The following SGCD variants were observed in gnomAD, a reference collection of about 807,000 sequenced individuals.
SGCD encodes the protein sarcoglycan delta.
In SGCD, 18 loss-of-function variants were observed where a neutral mutation model predicts 36.6. That is an observed-to-expected ratio of 0.49 (90% CI 0.34 to 0.73). SGCD has a LOEUF of 0.73. Among genes scored for constraint, SGCD ranks in the 30% least tolerant of loss-of-function variants. The pLI is 0.01. For missense variants in SGCD, 387 were observed against 346.7 expected, an observed-to-expected ratio of 1.12 and a Z score of -0.92; for synonymous variants, 133 against 130.6, an observed-to-expected ratio of 1.02 and a Z score of -0.12.
At chr5:155,977,792 C>T (rs1268220352) in intron 1 of SGCD, among the ~76,000 whole-genome samples, 1 of 152,086 alleles carries the variant, frequency 6.6e-6, no homozygotes, top group African/African-American at 2.4e-5. Context: ...AGTGGGTAGC[C>T]TCATTTAAAG....
chr5:156,635,013 A>C (rs1044532881), intron 6 of SGCD, among the ~76,000 whole-genome samples: 1 of 151,884 alleles, frequency 6.6e-6, no homozygotes, highest in African/African-American at 2.4e-5. Flanking sequence ...GCTTGAGCCC[A>C]GAAGTTCAAG....
intron 3 of SGCD, among the ~76,000 whole-genome samples, chr5:156,228,962 G>A (rs1280786435): frequency 6.7e-6 from 1 of 149,142 alleles, no homozygotes; most frequent in East Asian, 1.9e-4. Flanking sequence ...CCTGGGAAAG[G>A]CACACCGACC....
At chr5:156,354,843 A>G (rs937918661) in intron 3 of SGCD, among the ~76,000 whole-genome samples, 2 of 152,188 alleles carry the variant, frequency 1.3e-5, no homozygotes, top group African/African-American at 4.8e-5. Context: ...CAGTCCTTCC[A>G]TGGTAGACAG....
chr5:155,920,545 G>T (rs1280978232), intron 1 of SGCD, among the ~76,000 whole-genome samples: 1 of 152,146 alleles, frequency 6.6e-6, no homozygotes, highest in African/African-American at 2.4e-5. Context: ...AAGTGAGGAA[G>T]GGAGGAAATG....
At chr5:156,132,902 A>G (rs1040303704) in intron 3 of SGCD, among the ~76,000 whole-genome samples, 8 of 152,230 alleles carry the variant, frequency 5.3e-5, no homozygotes, top group Admixed American at 1.3e-4. Context: ...GAGGATCAGC[A>G]GAAGGGAATC....
intron 7 of SGCD, among the ~76,000 whole-genome samples, chr5:156,678,975 T>C (rs1428287447): frequency 6.6e-6 from 1 of 152,204 alleles, no homozygotes. Context: ...TTTCTAGTTC[T>C]GATTCACATA....
intron 1 of SGCD, among the ~76,000 whole-genome samples, chr5:156,081,632 G>A (rs574311931): frequency 2.0e-5 from 3 of 152,244 alleles, no homozygotes; most frequent in Admixed American, 2.0e-4. Flanking sequence ...TTGTGCTCAA[G>A]CAATCCTGCC....
intron 3 of SGCD, among the ~76,000 whole-genome samples, chr5:156,484,096 G>A (rs1330109598): frequency 6.6e-6 from 1 of 152,100 alleles, no homozygotes; most frequent in Non-Finnish European, 1.5e-5. Context: ...TAGACCTAAG[G>A]GAAATTACTC....
chr5:156,424,066 A>G (rs1008095410), intron 3 of SGCD, among the ~76,000 whole-genome samples: 7 of 152,004 alleles, frequency 4.6e-5, no homozygotes, highest in Non-Finnish European at 1.0e-4. Flanking sequence ...TCTTATTTTA[A>G]AAGTAAAATA....
At chr5:156,587,107 T>C (rs1760527758) in intron 4 of SGCD, among the ~76,000 whole-genome samples, 1 of 152,214 alleles carries the variant, frequency 6.6e-6, no homozygotes, top group South Asian at 2.1e-4. Context: ...TCTGAACCTT[T>C]ACTTTACAAG....
intron 1 of SGCD, among the ~76,000 whole-genome samples, chr5:156,069,845 C>T (rs182122773): frequency 0.026 from 4,011 of 152,134 alleles, 95 homozygotes; most frequent in South Asian, 0.06. Context: ...ATGTCCTTCA[C>T]GTCCCTTGTA....
At chr5:156,529,909 T>TGGTCTGCAAAA (rs1757815924) in intron 4 of SGCD, among the ~76,000 whole-genome samples, 2 of 152,242 alleles carry the variant, frequency 1.3e-5, no homozygotes, top group African/African-American at 2.4e-5. Context: ...TAGCAATGAT[T>TGGTCTGCAAAA]CTTCCTCTAG....
chr5:155,953,085 C>A (rs1015225405), intron 1 of SGCD, among the ~76,000 whole-genome samples: 1 of 152,076 alleles, frequency 6.6e-6, no homozygotes, highest in Non-Finnish European at 1.5e-5. Flanking sequence ...TGACCTCACT[C>A]GCCCAGTTAT....
chr5:155,810,837 A>G, the SGCD span, among the ~76,000 whole-genome samples: 1,239 of 53,986 alleles, frequency 0.023, 40 homozygotes, highest in African/African-American at 0.092. Context: ...TTTTTTTTTG[A>G]GACGGAGTCT....
At chr5:156,425,784 C>T (rs1161422981) in intron 3 of SGCD, among the ~76,000 whole-genome samples, 3 of 151,992 alleles carry the variant, frequency 2.0e-5, no homozygotes, top group African/African-American at 4.8e-5. Context: ...TAGCTTAGCT[C>T]CTACCTACTA....
At chr5:156,185,887 G>GAGAGAGAGAGA (rs1763745191) in intron 3 of SGCD, among the ~76,000 whole-genome samples, 1 of 9,158 alleles carries the variant, frequency 1.1e-4, no homozygotes, top group Non-Finnish European at 2.6e-4. Flanking sequence ...AGAGAGAGAG[G>GAGAGAGAGAGA]GCCATGTCTC....
intron 4 of SGCD, among the ~76,000 whole-genome samples, chr5:156,553,066 C>T (rs1390997553): frequency 9.2e-5 from 14 of 152,130 alleles, no homozygotes; most frequent in Admixed American, 1.3e-4. Context: ...GGGCAGCCAG[C>T]GTGTGTGGAG....
chr5:156,061,507 T>G (rs1371071548), intron 1 of SGCD, among the ~76,000 whole-genome samples: 1 of 146,146 alleles, frequency 6.8e-6, no homozygotes, highest in Non-Finnish European at 1.5e-5. Context: ...TTGGGTTTCT[T>G]CCTTAAAGGA....
At chr5:156,013,418 A>G (rs1758902720) in intron 1 of SGCD, among the ~76,000 whole-genome samples, 1 of 152,202 alleles carries the variant, frequency 6.6e-6, no homozygotes, top group South Asian at 2.1e-4. Context: ...CTCTTAATAC[A>G]TCTTGTTAAA....
Sources: allele counts gnomAD v4.1 joint callset (sites outside exome capture counted in the v4.1 genomes callset), GRCh38; gene constraint gnomAD v4.1.1; transcripts MANE v1.5; gene names NCBI Gene and HGNC (gene_info 2026-07-23, HGNC 2026-07-21).